The following EDRF1 variants were observed in gnomAD, a reference collection of about 807,000 sequenced individuals.
EDRF1 encodes erythroid differentiation-related factor 1.
Under a neutral mutation model 148.7 loss-of-function variants are expected in EDRF1, and 69 were observed. The ratio of observed to expected loss-of-function variants is 0.46; its 90% CI spans 0.38 to 0.57. The LOEUF is 0.57. Among genes scored for constraint, EDRF1 ranks in the 20% least tolerant of loss-of-function variants. EDRF1 has a pLI of 0.00. For synonymous variants in EDRF1, 515 were observed against 532.8 expected (o/e 0.97, Z 0.46); for missense variants, 1,118 against 1,478.7 (o/e 0.76, Z 4.00).
chr10:125,733,622 T>C lies in EDRF1; in HGVS notation c.1277-13T>C, dbSNP rs373304070. Reference sequence around the variant, plus strand: ...ACTGCTGTGAAATGAGTCTTCTTTGTTTTTCTTTTCAGCAAGTGGCAGCGA... The same window carrying C: ...ACTGCTGTGAAATGAGTCTTCTTTGCTTTTCTTTTCAGCAAGTGGCAGCGA... On this transcript the variant is annotated splice_polypyrimidine_tract_variant and intron_variant, in intron 10 of 24. Coordinates refer to ENST00000356792, the MANE Select transcript of EDRF1 (RefSeq NM_001202438.2). The C allele has an allele frequency of 1.1e-5, 17 of 1,612,990 alleles. No homozygotes were observed. In the African/African-American group the frequency reaches 1.6e-4, roughly 15 times the overall value.
intron 24 of EDRF1, among the ~76,000 whole-genome samples, chr10:125,755,363 A>C (rs1263376312): frequency 6.6e-6 from 1 of 152,120 alleles, no homozygotes; most frequent in Non-Finnish European, 1.5e-5. Flanking sequence ...TGTTGTGATG[A>C]AGGATTCTTT....
chr10:125,723,145 T>C lies in EDRF1; in HGVS notation c.384+11T>C. 3 of 1,612,258 alleles carry C rather than the reference T, an allele frequency of 1.9e-6. No individual in the cohort carries two copies. The highest frequency in any genetic ancestry group is 2.5e-6 in the Non-Finnish European group (3 of 1,178,476). ...GTCTCTGACTCTGAAGTAAGTGTTA[T>C]TTGTCGCTTAATGTAATTTTGGAGG... On this transcript the variant is annotated intron_variant, in intron 3 of 24. Coordinates refer to ENST00000356792, the MANE Select transcript of EDRF1 (RefSeq NM_001202438.2).
rs1469168046 is a variant in EDRF1 at position 125,719,794 on chromosome 10, C to T, written c.-14C>T. On this transcript the variant is annotated 5_prime_UTR_variant, in exon 1 of 25. Coordinates refer to ENST00000356792, the MANE Select transcript of EDRF1 (RefSeq NM_001202438.2). ...TCCGCTCCCCCGTCGTATCGCCTGC[C>T]CTGGATCGAAGTGATGGGGGATGCC... The T allele has an allele frequency of 2.5e-6, 4 of 1,607,254 alleles. No individual in the cohort carries two copies. The highest frequency in any genetic ancestry group is 2.6e-6 in the Non-Finnish European group (3 of 1,176,440).
chr10:125,727,630 C>A (rs571980611), intron 6 of EDRF1, among the ~76,000 whole-genome samples: 1 of 152,130 alleles, frequency 6.6e-6, no homozygotes, highest in Non-Finnish European at 1.5e-5. Flanking sequence ...AGGGAGAGGA[C>A]AAGGCACAAT....
At chr10:125,741,371 G>A (rs777931469) in intron 17 of EDRF1, 170 bp downstream of exon 17, 29 of 719,894 alleles carry the variant, frequency 4.0e-5, no homozygotes, top group Middle Eastern at 3.5e-4. Flanking sequence ...AAGCTGGAGT[G>A]CAATGGTGCA....
chr10:125,730,218 A>G, intron 8 of EDRF1, 70 bp from the exon 9 acceptor site: 2 of 1,234,546 alleles, frequency 1.6e-6, no homozygotes, highest in Admixed American at 1.7e-5. Context: ...AAATGGTGAA[A>G]TAACTTTCAG....
At chr10:125,757,961 C>T (rs999109053) in intron 24 of EDRF1, among the ~76,000 whole-genome samples, 1 of 152,162 alleles carries the variant, frequency 6.6e-6, no homozygotes, top group African/African-American at 2.4e-5. Flanking sequence ...CTCTGTAGCC[C>T]GTTATGCCTA....
Position 125,754,454 on chromosome 10 carries a change from T to C in EDRF1, c.3545+609T>C, listed in dbSNP as rs567818074. ...GATGAATAACCCTGGAATGAAGATC[T>C]GCGTTTCTAGTGATGCTTCTGAATG... is the stretch of plus-strand genomic sequence containing the variant. On this transcript the variant is annotated intron_variant, in intron 24 of 24. Transcript: ENST00000356792. 5.9e-5 allele frequency among the ~76,000 whole-genome samples: 9 copies of C among 152,348 alleles called. No individual in the cohort carries two copies. In the East Asian group the frequency reaches 1.7e-3, roughly 29 times the overall value.
chr10:125,725,042 T>C (rs1218839573), intron 4 of EDRF1, among the ~76,000 whole-genome samples: 17 of 152,188 alleles, frequency 1.1e-4, no homozygotes, highest in Admixed American at 7.9e-4. Flanking sequence ...TTCAATATAG[T>C]GTGCAAAGTG....
chr10:125,727,838 A>G (rs1279490579), intron 6 of EDRF1, among the ~76,000 whole-genome samples: 1 of 152,154 alleles, frequency 6.6e-6, no homozygotes, highest in Non-Finnish European at 1.5e-5. Flanking sequence ...CTACTTTCCT[A>G]ATGATTGGAA....
chr10:125,739,873 G>T (rs564767315), intron 15 of EDRF1, among the ~76,000 whole-genome samples: 1 of 152,286 alleles, frequency 6.6e-6, no homozygotes, highest in South Asian at 2.1e-4. Context: ...ACAGTACTTG[G>T]CAGAAAAATG....
At chr10:125,721,103 TTG>T (rs1311614000) in intron 1 of EDRF1, 99 bp from the exon 2 acceptor site, 4 of 1,150,808 alleles carry the variant, frequency 3.5e-6, no homozygotes, top group Non-Finnish European at 5.2e-6. Context: ...CATACGTTCC[TTG>T]TGAAGCCTGG....
intron 17 of EDRF1, chr10:125,742,179 A>G (rs1849057630): frequency 2.4e-6 from 3 of 1,249,490 alleles, no homozygotes; most frequent in African/African-American, 3.1e-5. Flanking sequence ...GTTCATAGCC[A>G]CCTGTCTTGC....
Position 125,735,658 on chromosome 10 carries a change from C to A in EDRF1, c.1512C>A (p.Ala504=). The change falls in exon 13 of 25, where the codon GCC becomes GCA. Residue 504 remains alanine (A), a synonymous_variant. Transcript: ENST00000356792. Reference sequence around the variant, plus strand: ...TTTTTCATAAGATTATTGCTTCCGCCAATTACATGCTTTCAGAACTTTTTC... The same window carrying A: ...TTTTTCATAAGATTATTGCTTCCGCAAATTACATGCTTTCAGAACTTTTTC... The part of the protein sequence containing the change: ...KSRHPQIIAS[A]NYMLSELFQL... The A allele has an allele frequency of 6.2e-7, 1 of 1,612,862 alleles. No homozygotes were observed. Among genetic ancestry groups the A allele is most frequent in the South Asian group, 1.1e-5 (1 of 90,986 alleles).
At chr10:125,731,623 A>G (rs1848482702) in intron 9 of EDRF1, among the ~76,000 whole-genome samples, 1 of 152,114 alleles carries the variant, frequency 6.6e-6, no homozygotes, top group Non-Finnish European at 1.5e-5. Context: ...TGCATCTAGG[A>G]GGGGAAATTT....
rs537968447 is a variant in EDRF1, at chr10:125,745,925, A to T, written c.2809A>T (p.Asn937Tyr). The T allele has an allele frequency of 8.1e-6, 13 of 1,614,116 alleles. No homozygotes were observed. In the South Asian group the frequency reaches 1.1e-4, roughly 14 times the overall value. ...TTCACCAGAAGAAGGCTTGTATTAT[A>T]ATAAGGTAACACATTCGCGTACATG... ...EFSPEEGLYYNKAIDYYLKAL... is the reference protein window; with the variant it reads ...EFSPEEGLYYYKAIDYYLKAL... Residue 937 changes from asparagine to tyrosine, a missense_variant, in exon 19 of 25, where the codon AAT becomes TAT. Physicochemically the swap from Asn to Tyr is moderately radical, Grantham distance 143. Transcript: ENST00000356792.
chr10:125,736,827 G>A (rs748450886), intron 13 of EDRF1, among the ~76,000 whole-genome samples: 2 of 151,788 alleles, frequency 1.3e-5, no homozygotes, highest in Non-Finnish European at 2.9e-5. Context: ...CTTAAGTCTT[G>A]ACTGAAATGT....
chr10:125,763,374 A>T lies in EDRF1; in HGVS notation c.3619A>T (p.Asn1207Tyr). The T allele has an allele frequency of 5.6e-6, 9 of 1,613,616 alleles. No homozygotes were observed. Among genetic ancestry groups the T allele is most frequent in the Non-Finnish European group, 7.6e-6 (9 of 1,180,042 alleles). Residue 1207 changes from asparagine to tyrosine, a missense_variant, in exon 25 of 25, where the codon AAT (asparagine) becomes TAT (tyrosine). Physicochemically the swap from Asn to Tyr is moderately radical, Grantham distance 143. Around this residue, in one of 3 missense-constraint regions of EDRF1, gnomAD observed 954 missense variants for 1,241.4 expected, o/e 0.77. Coordinates refer to ENST00000356792, the MANE Select transcript of EDRF1 (RefSeq NM_001202438.2). This position sits in a 1 kb window ranked among gnomAD's most constrained non-coding sequence, Gnocchi z 4.3. ...CTCCCAGCTTTTGAGAGCAACTGCA[A>T]ATAAAACCGCGACTCTTCTGGAAAG... The part of the protein sequence containing the change: ...IYSQLLRATA[N>Y]KTATLLERIN...
chr10:125,760,205 T>C (rs1188632784), intron 24 of EDRF1, among the ~76,000 whole-genome samples: 1 of 152,248 alleles, frequency 6.6e-6, no homozygotes, highest in South Asian at 2.1e-4. Context: ...GTAAAGTTTT[T>C]AAATTTGTAT....
Sources: allele counts gnomAD v4.1 joint callset (sites outside exome capture counted in the v4.1 genomes callset), GRCh38; gene constraint gnomAD v4.1.1; regional missense constraint gnomAD v4.1.1; non-coding constraint Gnocchi (gnomAD v3.1); transcripts MANE v1.5; gene names NCBI Gene and HGNC (gene_info 2026-07-23, HGNC 2026-07-21).